Variants in CLTA observed in about 807,000 individuals in gnomAD.
CLTA encodes clathrin light chain A, also known as clathrin, light polypeptide (Lca).
Under a neutral mutation model 26.9 loss-of-function variants are expected in CLTA, and 9 were observed. That is an observed-to-expected ratio of 0.33 (90% CI 0.20 to 0.58). The LOEUF (loss-of-function observed/expected upper bound fraction) is 0.58, where lower values mean the gene tolerates loss of function less well. Ranked by LOEUF, CLTA falls within the 20% of genes least tolerant of loss-of-function variation. The pLI, the probability that CLTA is intolerant of heterozygous loss-of-function variation, is 0.85. For synonymous variants in CLTA, 120 were observed against 115.5 expected (o/e 1.04, Z -0.25); for missense variants, 278 against 294.2 (o/e 0.94, Z 0.40).
rs200339430 is a variant in CLTA, at chr9:36,201,620, A to G, written c.374-2448A>G. ...TAATGTATAGTAAATGTTAACATCA[A>G]AATACATTGAAAGAAAATACTGTCC... On this transcript the variant is annotated intron_variant, in intron 3 of 4. Coordinates refer to ENST00000345519, the MANE Select transcript of CLTA (RefSeq NM_001833.4). 1.1e-4 allele frequency among the ~76,000 whole-genome samples: 17 copies of G among 152,346 alleles called. No homozygotes were observed. The East Asian group carries it at 2.5e-3, about 22-fold the overall frequency.
At chr9:36,194,210 A>G (rs1358825361) in intron 1 of CLTA, among the ~76,000 whole-genome samples, 12 of 152,158 alleles carry the variant, frequency 7.9e-5, no homozygotes, top group African/African-American at 2.9e-4. Flanking sequence ...TATTTTTAGT[A>G]GAGACGGGGT....
chr9:36,205,408 C>T lies in CLTA; in HGVS notation c.485+1229C>T, dbSNP rs1827659256. 2.0e-5 allele frequency among the ~76,000 whole-genome samples: 3 copies of T among 152,064 alleles called. No individual in the cohort carries two copies. The South Asian group carries it at 6.2e-4, about 32-fold the overall frequency. ...TAGGTGGTGCTGACAGGTCCAGGCT[C>T]CTGTGTCCTCTGCTCCCTCAAGATG... On this transcript the variant is annotated intron_variant, in intron 4 of 4. Transcript: ENST00000345519.
At chr9:36,210,542 T>G in intron 4 of CLTA, 1 of 1,606,494 alleles carries the variant, frequency 6.2e-7, no homozygotes, top group Non-Finnish European at 8.5e-7. Context: ...TCCAGCTTAC[T>G]GACCATCTGC....
chr9:36,210,229 G>C (rs1827964256), intron 4 of CLTA, among the ~76,000 whole-genome samples: 1 of 152,106 alleles, frequency 6.6e-6, no homozygotes, highest in South Asian at 2.1e-4. Context: ...GGGTGGAATG[G>C]AAGAGGAGAG....
chr9:36,192,340 C>A (rs1587194582), intron 1 of CLTA, among the ~76,000 whole-genome samples: 1 of 152,102 alleles, frequency 6.6e-6, no homozygotes, highest in South Asian at 2.1e-4. Flanking sequence ...TAGTAGTGCT[C>A]TGTGTAAAGG....
intron 4 of CLTA, among the ~76,000 whole-genome samples, chr9:36,205,219 C>A (rs1009157427): frequency 6.6e-6 from 1 of 152,156 alleles, no homozygotes; most frequent in Non-Finnish European, 1.5e-5. Context: ...TGGTCACTTT[C>A]CTCTGGGGGC....
rs539379071 is a variant in CLTA at position 36,210,025 on chromosome 9, T to C, written c.486-1578T>C. On this transcript the variant is annotated intron_variant, in intron 4 of 4. Coordinates refer to ENST00000345519, the MANE Select transcript of CLTA (RefSeq NM_001833.4). Reference sequence around the variant, plus strand: ...GTGTCTTGATACGGGCCACTTGGGCTTCTCCCCCTGACCCCCCCAAAAGAA... The same window carrying C: ...GTGTCTTGATACGGGCCACTTGGGCCTCTCCCCCTGACCCCCCCAAAAGAA... 1.4e-4 allele frequency among the ~76,000 whole-genome samples: 21 copies of C among 152,330 alleles called. No individual in the cohort carries two copies. In the East Asian group the frequency reaches 4.0e-3, roughly 29 times the overall value.
At chr9:36,195,857 A>G (rs1401028835) in intron 1 of CLTA, among the ~76,000 whole-genome samples, 1 of 152,154 alleles carries the variant, frequency 6.6e-6, no homozygotes, top group African/African-American at 2.4e-5. Flanking sequence ...AATCCCAGCT[A>G]TTCGGGAGGC....
chr9:36,194,171 G>A (rs746302981), intron 1 of CLTA, among the ~76,000 whole-genome samples: 15 of 152,080 alleles, frequency 9.9e-5, no homozygotes, highest in Non-Finnish European at 4.4e-5. Flanking sequence ...GATTACAGGC[G>A]CCCACCACCG....
chr9:36,196,126 A>G (rs2132867165), intron 1 of CLTA, among the ~76,000 whole-genome samples: 1 of 151,760 alleles, frequency 6.6e-6, no homozygotes, highest in East Asian at 2.0e-4. Context: ...AAACTACAAA[A>G]AAAATTAGGT....
At chr9:36,198,341 AAC>A (rs1827177802) in intron 2 of CLTA, among the ~76,000 whole-genome samples, 2 of 151,954 alleles carry the variant, frequency 1.3e-5, no homozygotes, top group African/African-American at 4.8e-5. Context: ...CGTTTCTAAC[AAC>A]AATGGCGGCT....
In CLTA at chr9:36,197,566, T is replaced by G. The variant is rs1827128468; in HGVS notation, c.233T>G (p.Val78Gly). Reference sequence around the variant, plus strand: ...TGTCTTGCAGATGCTGTTGATGGAGTAATGAATGGTGAATACTACCAGGTA... The same window carrying G: ...TGTCTTGCAGATGCTGTTGATGGAGGAATGAATGGTGAATACTACCAGGTA... ...PPGGPDAVDG[V>G]MNGEYYQESN... The change falls in exon 2 of 5, where the codon GTA becomes GGA. Residue 78 changes from valine to glycine, a missense_variant. Val to Gly is a moderately radical substitution (Grantham distance 109). Coordinates refer to ENST00000345519, the MANE Select transcript of CLTA (RefSeq NM_001833.4). 2 of 1,610,968 alleles carry G rather than the reference T, an allele frequency of 1.2e-6. No homozygotes were observed. The highest frequency in any genetic ancestry group is 1.3e-5 in the African/African-American group (1 of 74,844).
chr9:36,198,676 G>A (rs1266104586), intron 2 of CLTA, among the ~76,000 whole-genome samples: 1 of 141,754 alleles, frequency 7.1e-6, no homozygotes, highest in Admixed American at 7.3e-5. Flanking sequence ...GTAAGACCCT[G>A]TCCCGTCCCC....
At chr9:36,194,593 A>G (rs548360074) in intron 1 of CLTA, among the ~76,000 whole-genome samples, 1 of 152,318 alleles carries the variant, frequency 6.6e-6, no homozygotes, top group East Asian at 1.9e-4. Flanking sequence ...AAGGTAATAA[A>G]TGGCTCAAGT....
rs756606123 is a variant in CLTA at position 36,191,088 on chromosome 9, CCGGCGCCCCTGG to C, written c.36_47del (p.Ala13_Gly16del). 21 of 1,586,382 alleles carry C rather than the reference CCGGCGCCCCTGG, an allele frequency of 1.3e-5. No individual in the cohort carries two copies. Among genetic ancestry groups the C allele is most frequent in the African/African-American group, 4.1e-5 (3 of 73,058 alleles). On this transcript the variant is annotated inframe_deletion, in exon 1 of 5. Transcript: ENST00000345519. ...GAGCTGGATCCGTTCGGCGCCCCTGCCGGCGCCCCTGGCGGTCCCGCGCTGGGGAACGGAGTG... is the reference window on the plus strand; with the variant it reads ...GAGCTGGATCCGTTCGGCGCCCCTGCCGGTCCCGCGCTGGGGAACGGAGTG...
chr9:36,203,147 T>G (rs1827517285), intron 3 of CLTA, among the ~76,000 whole-genome samples: 1 of 152,154 alleles, frequency 6.6e-6, no homozygotes, highest in Non-Finnish European at 1.5e-5. Flanking sequence ...TGTATTTCTT[T>G]ATCTCTCACT....
chr9:36,208,811 T>A (rs1488238254), intron 4 of CLTA, among the ~76,000 whole-genome samples: 1 of 152,212 alleles, frequency 6.6e-6, no homozygotes, highest in African/African-American at 2.4e-5. Flanking sequence ...AGGGCCAGGC[T>A]GCCTTGGTTG....
chr9:36,204,591 G>A (rs1174370418), intron 4 of CLTA, among the ~76,000 whole-genome samples: 2 of 152,166 alleles, frequency 1.3e-5, no homozygotes, highest in Non-Finnish European at 2.9e-5. Flanking sequence ...TCATGAAGGG[G>A]TCCGTTGGCA....
At chr9:36,210,676 C>T in intron 4 of CLTA, 1 of 1,614,136 alleles carries the variant, frequency 6.2e-7, no homozygotes, top group Non-Finnish European at 8.5e-7. Context: ...GTAAACCTTT[C>T]TCACTGCCCC....
Sources: allele counts gnomAD v4.1 joint callset (sites outside exome capture counted in the v4.1 genomes callset), GRCh38; gene constraint gnomAD v4.1.1; transcripts MANE v1.5; gene names NCBI Gene and HGNC (gene_info 2026-07-23, HGNC 2026-07-21).